The following CA10 variants were observed in gnomAD, a reference collection of about 807,000 sequenced individuals.
CA10 encodes the protein carbonic anhydrase 10 (inactive).
A neutral mutation model predicts 44.2 loss-of-function variants in CA10; 14 were observed. That is an observed-to-expected ratio of 0.32 (90% CI 0.21 to 0.50). The LOEUF is 0.50. Ranked by LOEUF, CA10 falls within the 20% of genes least tolerant of loss-of-function variation. The pLI is 0.99. For synonymous variants in CA10, 159 were observed against 141.6 expected (o/e 1.12, Z -0.87); for missense variants, 350 against 409.7 (o/e 0.85, Z 1.26).
At chr17:51,688,014 A>G (rs1382718511) in intron 4 of CA10, among the ~76,000 whole-genome samples, 2 of 152,174 alleles carry the variant, frequency 1.3e-5, no homozygotes, top group Non-Finnish European at 2.9e-5. Context: ...ACATCATAAA[A>G]CACCACAGCT....
chr17:52,146,419 G>A (rs889723085), intron 1 of CA10, among the ~76,000 whole-genome samples: 1 of 151,996 alleles, frequency 6.6e-6, no homozygotes, highest in African/African-American at 2.4e-5. Flanking sequence ...GGCCGGGCGC[G>A]GTGGCTCACG....
intron 3 of CA10, among the ~76,000 whole-genome samples, chr17:51,909,984 G>A (rs1981722471): frequency 6.6e-6 from 1 of 152,096 alleles, no homozygotes; most frequent in African/African-American, 2.4e-5. Flanking sequence ...GTAATAAAAT[G>A]TTGCCCTGCA....
At chr17:51,783,948 A>G (rs1906156909) in intron 3 of CA10, among the ~76,000 whole-genome samples, 2 of 152,100 alleles carry the variant, frequency 1.3e-5, no homozygotes, top group South Asian at 2.1e-4. Context: ...CATCTTTAGA[A>G]TCTGCCTACT....
intron 4 of CA10, among the ~76,000 whole-genome samples, chr17:51,744,664 A>G (rs1904606472): frequency 6.6e-6 from 1 of 152,134 alleles, no homozygotes; most frequent in Non-Finnish European, 1.5e-5. Context: ...TGAAGTCACA[A>G]TTTTCAGAGG....
intron 3 of CA10, among the ~76,000 whole-genome samples, chr17:51,753,364 C>G (rs1384608770): frequency 6.6e-6 from 1 of 152,210 alleles, no homozygotes; most frequent in Non-Finnish European, 1.5e-5. Context: ...ATAGCAAACA[C>G]AGTGCTTTGC....
At chr17:51,750,775 C>G (rs1904864575) in intron 3 of CA10, among the ~76,000 whole-genome samples, 1 of 152,232 alleles carries the variant, frequency 6.6e-6, no homozygotes, top group African/African-American at 2.4e-5. Flanking sequence ...AAAAACATTG[C>G]TCCAAGTTCC....
intron 3 of CA10, among the ~76,000 whole-genome samples, chr17:51,897,276 T>C (rs1207692183): frequency 1.3e-5 from 2 of 152,124 alleles, no homozygotes; most frequent in Non-Finnish European, 2.9e-5. Context: ...CCAGTTTCAA[T>C]CTTCTGCATA....
chr17:51,738,721 C>T (rs116458242), intron 4 of CA10, among the ~76,000 whole-genome samples: 1,637 of 152,244 alleles, frequency 0.011, 35 homozygotes, highest in African/African-American at 0.037. Context: ...TATAGATGCC[C>T]TTGCGATGGG....
chr17:51,966,727 A>G (rs1428803272), intron 2 of CA10, among the ~76,000 whole-genome samples: 1 of 151,804 alleles, frequency 6.6e-6, no homozygotes, highest in Non-Finnish European at 1.5e-5. Context: ...AAGATTTAAA[A>G]GTAAGACCTC....
At chr17:51,835,947 A>G (rs1215134016) in intron 3 of CA10, among the ~76,000 whole-genome samples, 3 of 152,216 alleles carry the variant, frequency 2.0e-5, no homozygotes, top group Non-Finnish European at 2.9e-5. Flanking sequence ...AATGGAAGGA[A>G]GAACATGAAT....
At chr17:52,112,160 G>A (rs543921199) in intron 1 of CA10, among the ~76,000 whole-genome samples, 2 of 150,840 alleles carry the variant, frequency 1.3e-5, no homozygotes, top group South Asian at 4.2e-4. Context: ...GTTCTATTAG[G>A]ATCATGAGGT....
At chr17:51,983,817 A>G (rs1373474135) in intron 2 of CA10, among the ~76,000 whole-genome samples, 1 of 151,742 alleles carries the variant, frequency 6.6e-6, no homozygotes, top group African/African-American at 2.4e-5. Context: ...TGGAGATAAA[A>G]TTTTTAAAAT....
chr17:52,030,527 C>G (rs1986434359), intron 2 of CA10, among the ~76,000 whole-genome samples: 1 of 152,174 alleles, frequency 6.6e-6, no homozygotes, highest in South Asian at 2.1e-4. Flanking sequence ...TCTAAATATG[C>G]AGTCCTTGGG....
At chr17:51,905,551 T>TTTTC (rs1194043088) in intron 3 of CA10, among the ~76,000 whole-genome samples, 1 of 136,438 alleles carries the variant, frequency 7.3e-6, no homozygotes, top group African/African-American at 3.2e-5. Flanking sequence ...TTTTTTTTTT[T>TTTTC]ACAACTCTAC....
In CA10 at chr17:51,839,500, C is replaced by CAAAAA. The variant is rs34200978; in HGVS notation, c.279+91485_279+91489dup. On this transcript the variant is annotated intron_variant, in intron 3 of 8. Coordinates refer to ENST00000451037, the MANE Select transcript of CA10 (RefSeq NM_020178.5). ...AGAGCAACAGAGCAAGACTCCTTCT[C>CAAAAA]AAAAAAAAAAAAAAAAAAAAAAAAA... Among the ~76,000 whole-genome samples the CAAAAA allele has an allele frequency of 5.2e-4, 19 of 36,288 alleles. 2 individuals carry two copies. Among genetic ancestry groups the CAAAAA allele is most frequent in the African/African-American group, 1.1e-3 (9 of 7,984 alleles). The allele number at this position is 36,288 out of a possible 152,430, so 23.8% of individuals were successfully genotyped here. A position where few individuals can be genotyped will look rare whatever the true frequency, so the allele number is the denominator to read the frequency against.
chr17:51,787,882 T>C (rs1372041811), intron 3 of CA10, among the ~76,000 whole-genome samples: 1 of 152,204 alleles, frequency 6.6e-6, no homozygotes, highest in African/African-American at 2.4e-5. Context: ...AGTTTGTCTA[T>C]TTTGTTTAAC....
intron 3 of CA10, among the ~76,000 whole-genome samples, chr17:51,786,462 G>T (rs1408802945): frequency 6.6e-6 from 1 of 152,144 alleles, no homozygotes; most frequent in Non-Finnish European, 1.5e-5. Flanking sequence ...TGAAGTACAA[G>T]AATCACTTGA....
chr17:51,639,524 G>A (rs992595313), intron 6 of CA10, among the ~76,000 whole-genome samples: 2 of 152,076 alleles, frequency 1.3e-5, no homozygotes, highest in African/African-American at 4.8e-5. Context: ...CCAAAACACC[G>A]TAGTGCTGAT....
At chr17:51,934,150 G>A (rs918097607) in intron 2 of CA10, among the ~76,000 whole-genome samples, 3 of 152,032 alleles carry the variant, frequency 2.0e-5, no homozygotes, top group Non-Finnish European at 4.4e-5. Context: ...TTTACCCCTG[G>A]ATGGCTGATT....
Sources: gnomAD v4.1 joint callset for allele counts (sites outside exome capture counted in the v4.1 genomes callset) on GRCh38, gnomAD v4.1.1 for gene constraint, MANE v1.5 for transcripts, NCBI Gene and HGNC (gene_info 2026-07-23, HGNC 2026-07-21) for gene names.